The following PLEKHG4B variants were observed in gnomAD, a reference collection of about 807,000 sequenced individuals.
PLEKHG4B encodes pleckstrin homology and RhoGEF domain containing G4B.
PLEKHG4B carries 111 observed loss-of-function variants against 121.3 expected under a neutral mutation model. The ratio of observed to expected loss-of-function variants is 0.92; its 90% CI spans 0.78 to 1.07. PLEKHG4B has a LOEUF of 1.07. Among genes scored for constraint, PLEKHG4B ranks in the 50% least tolerant of loss-of-function variants. PLEKHG4B has a pLI of 0.00. For missense variants in PLEKHG4B, 1,831 were observed against 1,757.8 expected (o/e 1.04, Z -0.74); for synonymous variants, 738 against 725.0 (o/e 1.02, Z -0.29).
At chr5:160,007 C>T (rs1433513104) in intron 11 of PLEKHG4B, among the ~76,000 whole-genome samples, 1 of 152,208 alleles carries the variant, frequency 6.6e-6, no homozygotes, top group African/African-American at 2.4e-5. Flanking sequence ...CAAGAGGACA[C>T]GTCTCACTCT....
Position 162,875 on chromosome 5 carries a change from A to C in PLEKHG4B, c.2803A>C (p.Lys935Gln). The C allele has an allele frequency of 4.6e-6, 7 of 1,518,864 alleles. No homozygotes were observed. The highest frequency in any genetic ancestry group is 6.2e-6 in the Non-Finnish European group (7 of 1,131,788). The allele number at this position is 1,518,864 out of a possible 1,614,324, so 94.1% of individuals were successfully genotyped here. A position where few individuals can be genotyped will look rare whatever the true frequency, so the allele number is the denominator to read the frequency against. Residue 935 changes from lysine to glutamine, a missense_variant, in exon 13 of 20, where the codon AAA (lysine) becomes CAA (glutamine). Coordinates refer to ENST00000637938, the MANE Select transcript of PLEKHG4B (RefSeq NM_052909.5). The part of the protein sequence containing the change: ...VAVLKPHALG[K>Q]PWASQQDLWL... ...AGTGCTGAAGCCTCATGCCCTGGGG[A>C]AACCGTGGGCATCACAGCAAGACCT...
At position 143,048 on chromosome 5, in the gene PLEKHG4B, C is replaced by T. The variant is rs1402300477; in HGVS notation, c.1479C>T (p.Asp493=). ...ACACGGCCTCTTTCCTTTGTCCAGACGTTCTTGCATCCTCAGCCTGTGTCA... is the reference window on the plus strand; with the variant it reads ...ACACGGCCTCTTTCCTTTGTCCAGATGTTCTTGCATCCTCAGCCTGTGTCA... The part of the protein sequence containing the change: ...VEGPGCTKEE[D]VLASSACVST... The change falls in exon 4 of 20, where the codon GAC becomes GAT. Residue 493 remains aspartate, a splice_region_variant and synonymous_variant. Transcript: ENST00000637938. 10 of 1,613,008 alleles carry T rather than the reference C, an allele frequency of 6.2e-6. No individual in the cohort carries two copies. Among genetic ancestry groups the T allele is most frequent in the East Asian group, 4.5e-5 (2 of 44,894 alleles).
chr5:113,978 A>G lies in PLEKHG4B; in HGVS notation c.243+530A>G, dbSNP rs1386216086. On this transcript the variant is annotated intron_variant, in intron 2 of 19. Coordinates refer to ENST00000637938, the MANE Select transcript of PLEKHG4B (RefSeq NM_052909.5). The surrounding 1 kb of genome is among the most constrained non-coding windows in gnomAD (Gnocchi z 5.2). ...ATACCACGCTAATGCCAGACACACA[A>G]AGTTTTTGGTTTCCCAGCGCATATA... Among the ~76,000 whole-genome samples the G allele has an allele frequency of 1.3e-5, 2 of 152,152 alleles. No homozygotes were observed.
rs1467825071 is a variant in PLEKHG4B at position 156,078 on chromosome 5, C to T, written c.2216C>T (p.Ala739Val). 2 of 1,580,876 alleles carry T rather than the reference C, an allele frequency of 1.3e-6. No homozygotes were observed. Among genetic ancestry groups the T allele is most frequent in the Non-Finnish European group, 1.7e-6 (2 of 1,161,596 alleles). Reference sequence around the variant, plus strand: ...CCTCCCCATCCCGTGCAGGAAGTCGCCGAGTTAATTGACCAGCATGAGACG... The same window carrying T: ...CCTCCCCATCCCGTGCAGGAAGTCGTCGAGTTAATTGACCAGCATGAGACG... ...HRTPRTAQEV[A>V]ELIDQHETMM... Residue 739 changes from alanine to valine, a missense_variant, in exon 10 of 20, where the codon GCC becomes GTC. Coordinates refer to ENST00000637938, the MANE Select transcript of PLEKHG4B (RefSeq NM_052909.5). This position sits in a 1 kb window ranked among gnomAD's most constrained non-coding sequence, Gnocchi z 4.4.
chr5:124,667 G>A (rs955651789), intron 2 of PLEKHG4B, among the ~76,000 whole-genome samples: 1 of 152,152 alleles, frequency 6.6e-6, no homozygotes. Context: ...AACATTTTAT[G>A]ATTTAATGTC....
At chr5:117,473 C>T (rs146151493) in intron 2 of PLEKHG4B, among the ~76,000 whole-genome samples, 1 of 152,294 alleles carries the variant, frequency 6.6e-6, no homozygotes, top group African/African-American at 2.4e-5. Flanking sequence ...TGCTTAATCA[C>T]TTATCAAGTT....
intron 1 of PLEKHG4B, among the ~76,000 whole-genome samples, chr5:109,631 G>A (rs892713688): frequency 2.6e-5 from 4 of 152,192 alleles, no homozygotes; most frequent in African/African-American, 4.8e-5. Context: ...CAGATAGGGT[G>A]AGAAACAAGC....
intron 17 of PLEKHG4B, among the ~76,000 whole-genome samples, chr5:173,632 A>ACAC (rs74452399): frequency 0.12 from 17,713 of 151,834 alleles, 2,181 homozygotes; most frequent in African/African-American, 0.31. Context: ...GCAGCATTGC[A>ACAC]CACAGGGACA....
intron 2 of PLEKHG4B, among the ~76,000 whole-genome samples, chr5:129,472 A>G (rs1046545365): frequency 2.0e-5 from 3 of 151,688 alleles, no homozygotes; most frequent in African/African-American, 7.2e-5. Flanking sequence ...TATACCTTAC[A>G]TGTATTGATG....
chr5:154,964 C>A lies in PLEKHG4B; in HGVS notation c.2082C>A (p.Ser694Arg). 1 of 1,613,422 alleles carries A rather than the reference C, an allele frequency of 6.2e-7. No individual in the cohort carries two copies. The highest frequency in any genetic ancestry group is 1.1e-5 in the South Asian group (1 of 91,090). Residue 694 changes from serine to arginine, a missense_variant, in exon 8 of 20, where the codon AGC becomes AGA. Ser to Arg is a moderately radical substitution (Grantham distance 110). Coordinates refer to ENST00000637938, the MANE Select transcript of PLEKHG4B (RefSeq NM_052909.5). Reference protein sequence around the residue: ...TADLDGSFPYSHGDWICFRQR... With the variant: ...TADLDGSFPYRHGDWICFRQR... ...ACCTCGACGGCTCCTTTCCCTACAGCCATGGTGACTGGATCTGCTTCCGTC... is the reference window on the plus strand; with the variant it reads ...ACCTCGACGGCTCCTTTCCCTACAGACATGGTGACTGGATCTGCTTCCGTC...
At position 139,366 on chromosome 5, in the gene PLEKHG4B, C is replaced by A. The variant is rs1363490091; in HGVS notation, c.244-117C>A. 1 of 398,274 alleles carries A rather than the reference C, an allele frequency of 2.5e-6. No homozygotes were observed. Among genetic ancestry groups the A allele is most frequent in the Non-Finnish European group, 4.4e-6 (1 of 226,392 alleles). The allele number at this position is 398,274 out of a possible 1,614,324, so 24.7% of individuals were successfully genotyped here. A position where few individuals can be genotyped will look rare whatever the true frequency, so the allele number is the denominator to read the frequency against. On this transcript the variant is annotated intron_variant, in intron 2 of 19. Coordinates refer to ENST00000637938, the MANE Select transcript of PLEKHG4B (RefSeq NM_052909.5). The surrounding 1 kb of genome is among the most constrained non-coding windows in gnomAD (Gnocchi z 5.0). ...ACAGGACACCCCAGCCCCCGTGAGA[C>A]CCCTTCCTTGTGGGAGCTCAGTCAC... is the stretch of plus-strand genomic sequence containing the variant.
At chr5:142,712 G>A (rs767721400) in intron 3 of PLEKHG4B, among the ~76,000 whole-genome samples, 4 of 152,052 alleles carry the variant, frequency 2.6e-5, no homozygotes, top group South Asian at 2.1e-4. Context: ...ACATGCACGC[G>A]CAGTCACACA....
chr5:114,019 C>T (rs72710828), intron 2 of PLEKHG4B, among the ~76,000 whole-genome samples: 9,411 of 152,308 alleles, frequency 0.062, 426 homozygotes, highest in Non-Finnish European at 0.089. Context: ...TACGTTTACA[C>T]TATAGTCTAA....
chr5:162,913 C>CT lies in PLEKHG4B; in HGVS notation c.2841_2842insT (p.Pro948SerfsTer13). On this transcript the variant is annotated frameshift_variant, in exon 13 of 20. Coordinates refer to ENST00000637938, the MANE Select transcript of PLEKHG4B (RefSeq NM_052909.5). LOFTEE classifies it high-confidence loss of function. The stretch of plus-strand genomic sequence containing the variant: ...CACAGCAAGACCTGTGGCTGCAGTA[C>CT]CCCCAGACCCGGCTCCGTCTGGAAG... The CT allele has an allele frequency of 5.2e-6, 8 of 1,536,950 alleles. No individual in the cohort carries two copies. Among genetic ancestry groups the CT allele is most frequent in the Non-Finnish European group, 7.0e-6 (8 of 1,141,304 alleles).
At chr5:109,833 G>A (rs1734084343) in intron 1 of PLEKHG4B, among the ~76,000 whole-genome samples, 1 of 152,204 alleles carries the variant, frequency 6.6e-6, no homozygotes, top group South Asian at 2.1e-4. Flanking sequence ...AGTGCCAAGG[G>A]ACTGGCGGGC....
intron 18 of PLEKHG4B, among the ~76,000 whole-genome samples, chr5:178,975 T>G (rs1416636749): frequency 6.6e-6 from 1 of 152,280 alleles, no homozygotes; most frequent in Non-Finnish European, 1.5e-5. Flanking sequence ...TTTGTATTTT[T>G]AACTTTTATT....
intron 7 of PLEKHG4B, among the ~76,000 whole-genome samples, chr5:152,309 C>T (rs1735633323): frequency 6.6e-6 from 1 of 151,396 alleles, no homozygotes; most frequent in Admixed American, 6.6e-5. Context: ...CTCCTGGGCT[C>T]AAGAGATTCT....
Position 163,951 on chromosome 5 carries a change from C to T in PLEKHG4B, c.3476+403C>T, listed in dbSNP as rs79291312. Among the ~76,000 whole-genome samples the T allele has an allele frequency of 4.8e-3, 736 of 152,370 alleles. 7 individuals carry two copies. The highest frequency in any genetic ancestry group is 0.016 in the African/African-American group (682 of 41,586). On this transcript the variant is annotated intron_variant, in intron 13 of 19. Transcript: ENST00000637938. ...AGGGGTTAGAAGGCGCACCCATGCG[C>T]CCATTGCCCCACTGAAGAGGCCCCT...
In PLEKHG4B at chr5:103,506, C is replaced by G. The variant is rs907383551; in HGVS notation, c.46-9745C>G. On this transcript the variant is annotated intron_variant, in intron 1 of 19. Transcript: ENST00000637938. Reference sequence around the variant, plus strand: ...ACACAGCTGTGTACATTGCCCCACCCTCGACTCTGGATATACTGCCATTTT... The same window carrying G: ...ACACAGCTGTGTACATTGCCCCACCGTCGACTCTGGATATACTGCCATTTT... 5.9e-5 allele frequency among the ~76,000 whole-genome samples: 9 copies of G among 152,292 alleles called. No homozygotes were observed. In the South Asian group the frequency reaches 1.9e-3, roughly 32 times the overall value.
Sources: gnomAD v4.1 joint callset for allele counts (sites outside exome capture counted in the v4.1 genomes callset) on GRCh38, gnomAD v4.1.1 for gene constraint, Gnocchi (gnomAD v3.1) non-coding constraint, MANE v1.5 for transcripts, NCBI Gene and HGNC (gene_info 2026-07-23, HGNC 2026-07-21) for gene names.